CSMD1: variants seen among roughly 807,000 people sequenced by gnomAD.
The protein encoded by CSMD1 is CUB and Sushi multiple domains 1.
In CSMD1, 213 loss-of-function variants were observed where a neutral mutation model predicts 417.5. The ratio of observed to expected loss-of-function variants is 0.51; its 90% CI spans 0.46 to 0.57. The LOEUF (loss-of-function observed/expected upper bound fraction) is 0.57. CSMD1 is among the 20% of genes least tolerant of loss of function. The probability of loss-of-function intolerance (pLI) is 0.00; values close to 1 mark genes in which losing one functional copy is unlikely to be tolerated. For missense variants in CSMD1, 6,923 were observed against 4,529.7 expected (o/e 1.53, Z -15.17); for synonymous variants, 2,862 against 1,736.8 (o/e 1.65, Z -16.11).
At chr8:3,368,753 C>G (rs1016624514) in intron 19 of CSMD1, among the ~76,000 whole-genome samples, 19 of 152,328 alleles carry the variant, frequency 1.2e-4, no homozygotes, top group Middle Eastern at 3.4e-3. Context: ...ATATCCTGAT[C>G]TTCACTATGC....
intron 5 of CSMD1, among the ~76,000 whole-genome samples, chr8:3,992,786 TA>T (rs1379719130): frequency 6.6e-6 from 1 of 152,172 alleles, no homozygotes; most frequent in Non-Finnish European, 1.5e-5. Context: ...GTACTAACAT[TA>T]AAAAATTATA....
intron 7 of CSMD1, among the ~76,000 whole-genome samples, chr8:3,633,506 C>A (rs1482210): frequency 0.39 from 59,984 of 152,020 alleles, 12,323 homozygotes; most frequent in Middle Eastern, 0.6. Flanking sequence ...AATACAGATG[C>A]AATGGCATCA....
intron 3 of CSMD1, among the ~76,000 whole-genome samples, chr8:4,267,228 A>C (rs563322628): frequency 9.6e-6 from 1 of 104,692 alleles, no homozygotes; most frequent in South Asian, 3.7e-4. Context: ...CAGTTATTAA[A>C]GAAAAGTGAG....
chr8:3,940,225 G>A (rs1268807682), intron 5 of CSMD1, among the ~76,000 whole-genome samples: 1 of 152,006 alleles, frequency 6.6e-6, no homozygotes, highest in Non-Finnish European at 1.5e-5. Flanking sequence ...CCAAAAAACA[G>A]AGAAGTTAAT....
intron 3 of CSMD1, among the ~76,000 whole-genome samples, chr8:4,252,510 T>C (rs13259289): frequency 0.29 from 44,140 of 152,132 alleles, 7,862 homozygotes; most frequent in Non-Finnish European, 0.4. Context: ...AGGCATGTCC[T>C]GTTTCCTCAA....
intron 1 of CSMD1, among the ~76,000 whole-genome samples, chr8:4,896,586 A>T (rs988775592): frequency 3.9e-5 from 6 of 152,126 alleles, no homozygotes; most frequent in African/African-American, 1.5e-4. Flanking sequence ...TTAATATTTA[A>T]CCATGTTCAT....
chr8:4,197,451 G>A (rs1262683747), intron 3 of CSMD1, among the ~76,000 whole-genome samples: 1 of 152,138 alleles, frequency 6.6e-6, no homozygotes, highest in East Asian at 1.9e-4. Flanking sequence ...TAATGTAGGT[G>A]GGCCCCGTTT....
At chr8:4,439,238 T>A (rs1302174320) in intron 2 of CSMD1, among the ~76,000 whole-genome samples, 1 of 152,156 alleles carries the variant, frequency 6.6e-6, no homozygotes, top group African/African-American at 2.4e-5. Flanking sequence ...ATATGAAATA[T>A]ATTGCTTCTA....
chr8:3,704,436 G>C (rs910746263), intron 7 of CSMD1, among the ~76,000 whole-genome samples: 3 of 152,152 alleles, frequency 2.0e-5, no homozygotes, highest in African/African-American at 7.2e-5. Flanking sequence ...AAGAGAAGTG[G>C]TACTTTGTAC....
In CSMD1 at chr8:3,856,686, G is replaced by A. The variant is rs150872175; in HGVS notation, c.819-102644C>T. The stretch of plus-strand genomic sequence containing the variant: ...GAACTCCTAAGTGCCCACATGGCCA[G>A]TGAAAGCTGGGAAGATAGGGTATGC... On this transcript the variant is annotated intron_variant, in intron 5 of 69. Transcript: ENST00000635120. Among the ~76,000 whole-genome samples, 562 of 152,324 alleles carry A rather than the reference G, an allele frequency of 3.7e-3. 3 individuals are homozygous for A. Among genetic ancestry groups the A allele is most frequent in the African/African-American group, 7.4e-3 (307 of 41,568 alleles).
intron 12 of CSMD1, among the ~76,000 whole-genome samples, chr8:3,467,615 C>G (rs551685111): frequency 5.3e-5 from 8 of 152,218 alleles, no homozygotes; most frequent in African/African-American, 1.4e-4. Flanking sequence ...AGGAGGGACC[C>G]TATTTTATGC....
At chr8:4,204,958 C>T (rs544621931) in intron 3 of CSMD1, among the ~76,000 whole-genome samples, 1 of 152,206 alleles carries the variant, frequency 6.6e-6, no homozygotes, top group Non-Finnish European at 1.5e-5. Context: ...CTGAATCTGG[C>T]CTATAAAAAT....
chr8:3,507,382 A>G (rs1404305549), intron 10 of CSMD1, among the ~76,000 whole-genome samples: 1 of 152,178 alleles, frequency 6.6e-6, no homozygotes, highest in African/African-American at 2.4e-5. Flanking sequence ...TTTGTGCCAC[A>G]TTTTCCTAAT....
chr8:4,213,762 G>A (rs1257253878), intron 3 of CSMD1, among the ~76,000 whole-genome samples: 3 of 152,204 alleles, frequency 2.0e-5, no homozygotes, highest in Non-Finnish European at 4.4e-5. Flanking sequence ...CTGAGATGGG[G>A]TTCCCTGCCA....
intron 5 of CSMD1, among the ~76,000 whole-genome samples, chr8:3,764,899 C>G (rs1214927017): frequency 6.6e-6 from 1 of 151,826 alleles, no homozygotes; most frequent in Non-Finnish European, 1.5e-5. Flanking sequence ...GTGACTGCCA[C>G]CACACCCAGC....
chr8:3,935,213 G>C (rs574001000), intron 5 of CSMD1, among the ~76,000 whole-genome samples: 3 of 152,078 alleles, frequency 2.0e-5, no homozygotes, highest in Non-Finnish European at 4.4e-5. Flanking sequence ...AGCTCCAACA[G>C]AACAAATGGA....
At chr8:4,940,995 A>T (rs1208458476) in intron 1 of CSMD1, among the ~76,000 whole-genome samples, 5 of 152,148 alleles carry the variant, frequency 3.3e-5, no homozygotes, top group Non-Finnish European at 7.4e-5. Flanking sequence ...AAAGTTCAAG[A>T]AAGAGCGATT....
At chr8:3,739,340 C>A (rs1018108268) in intron 6 of CSMD1, among the ~76,000 whole-genome samples, 2 of 152,200 alleles carry the variant, frequency 1.3e-5, no homozygotes, top group Admixed American at 6.5e-5. Context: ...TGTTCTATGG[C>A]ACCACAGTGT....
chr8:3,102,429 G>A (rs1815823463), intron 46 of CSMD1, among the ~76,000 whole-genome samples: 1 of 152,162 alleles, frequency 6.6e-6, no homozygotes, highest in South Asian at 2.1e-4. Context: ...GGTGTGGAGT[G>A]GGGCTTGGGA....
Sources: gnomAD v4.1 joint callset for allele counts (sites outside exome capture counted in the v4.1 genomes callset) on GRCh38, gnomAD v4.1.1 for gene constraint, MANE v1.5 for transcripts, NCBI Gene and HGNC (gene_info 2026-07-23, HGNC 2026-07-21) for gene names.